The following SPOCK1 variants were observed in gnomAD, a reference collection of about 807,000 sequenced individuals.
SPOCK1 encodes testican-1.
In SPOCK1, 23 loss-of-function variants were observed where a neutral mutation model predicts 55.3. The ratio of observed to expected loss-of-function variants is 0.42; its 90% CI spans 0.30 to 0.59. The LOEUF (loss-of-function observed/expected upper bound fraction) is 0.59. Ranked by LOEUF, SPOCK1 falls within the 20% of genes least tolerant of loss-of-function variation. The pLI is 0.22. For missense variants in SPOCK1, 499 were observed against 552.5 expected, an observed-to-expected ratio of 0.90 and a Z score of 0.97; for synonymous variants, 226 against 221.0, an observed-to-expected ratio of 1.02 and a Z score of -0.20.
chr5:137,291,954 T>C (rs1296539328), intron 2 of SPOCK1, among the ~76,000 whole-genome samples: 1 of 152,174 alleles, frequency 6.6e-6, no homozygotes, highest in Non-Finnish European at 1.5e-5. Context: ...CACATGGCCC[T>C]ATTAGGAAGA....
At chr5:137,203,217 A>G (rs1480601969) in intron 3 of SPOCK1, among the ~76,000 whole-genome samples, 1 of 151,846 alleles carries the variant, frequency 6.6e-6, no homozygotes, top group African/African-American at 2.4e-5. Context: ...TGAGTAATAG[A>G]TTTCAAATAC....
At chr5:137,411,312 A>G (rs1752204248) in intron 2 of SPOCK1, among the ~76,000 whole-genome samples, 1 of 152,122 alleles carries the variant, frequency 6.6e-6, no homozygotes, top group African/African-American at 2.4e-5. Flanking sequence ...GGACGGGTAG[A>G]GAGATGAGCA....
At chr5:137,061,361 T>G (rs892254609) in intron 6 of SPOCK1, among the ~76,000 whole-genome samples, 3 of 152,166 alleles carry the variant, frequency 2.0e-5, no homozygotes, top group African/African-American at 7.2e-5. Context: ...AGTAATGGAA[T>G]TGGACAACCG....
At chr5:137,457,409 T>C (rs1296391130) in intron 2 of SPOCK1, among the ~76,000 whole-genome samples, 1 of 152,132 alleles carries the variant, frequency 6.6e-6, no homozygotes, top group Non-Finnish European at 1.5e-5. Context: ...TGGGAGAGCA[T>C]GAGCAGCTTT....
At chr5:137,068,499 C>G (rs1015784672) in intron 5 of SPOCK1, among the ~76,000 whole-genome samples, 2 of 152,134 alleles carry the variant, frequency 1.3e-5, no homozygotes, top group Non-Finnish European at 2.9e-5. Flanking sequence ...TCTTGTCAAC[C>G]CTTTATCAGT....
chr5:137,053,748 A>G (rs1752252076), intron 6 of SPOCK1, among the ~76,000 whole-genome samples: 1 of 152,110 alleles, frequency 6.6e-6, no homozygotes, highest in Non-Finnish European at 1.5e-5. Context: ...AGGATAAAAC[A>G]CAGCACAAGC....
chr5:137,246,182 T>C (rs147317036), intron 3 of SPOCK1, among the ~76,000 whole-genome samples: 1 of 152,340 alleles, frequency 6.6e-6, no homozygotes, highest in African/African-American at 2.4e-5. Flanking sequence ...ATCTGACCAA[T>C]ATTTGAATTC....
At chr5:137,165,936 C>T (rs183793992) in intron 3 of SPOCK1, among the ~76,000 whole-genome samples, 424 of 152,122 alleles carry the variant, frequency 2.8e-3, no homozygotes, top group Admixed American at 0.019. Flanking sequence ...CTCGAAAGGG[C>T]ACATCTAAGA....
chr5:137,427,900 C>T (rs1190806511), intron 2 of SPOCK1, among the ~76,000 whole-genome samples: 1 of 139,770 alleles, frequency 7.2e-6, no homozygotes, highest in Non-Finnish European at 1.5e-5. Context: ...CAGAGCAAGA[C>T]TCCGTCTAAA....
chr5:137,160,616 T>TATATTATATATAATATATATTATATATA lies in SPOCK1; in HGVS notation c.233-19923_233-19922insTATATATAATATATATTATATATAATAT, dbSNP rs1561631822. Among the ~76,000 whole-genome samples the TATATTATATATAATATATATTATATATA allele has an allele frequency of 1.6e-3, 96 of 58,896 alleles. 1 individual carries two copies. Among genetic ancestry groups the TATATTATATATAATATATATTATATATA allele is most frequent in the African/African-American group, 8.2e-3 (95 of 11,570 alleles). 38.6% of individuals were successfully genotyped at this position (58,896 alleles called of 152,430 possible). A position where few individuals can be genotyped will look rare whatever the true frequency, so the allele number is the denominator to read the frequency against. On this transcript the variant is annotated intron_variant, in intron 3 of 10. Coordinates refer to ENST00000394945, the MANE Select transcript of SPOCK1 (RefSeq NM_004598.4). ...ATAATATATTATATATAATATATAATATATATTTTATATAATATATAATAT... is the reference window on the plus strand; with the variant it reads ...ATAATATATTATATATAATATATAATATATTATATATAATATATATTATATATAATATATTTTATATAATATATAATAT...
At chr5:137,359,816 T>A (rs1278502218) in intron 2 of SPOCK1, among the ~76,000 whole-genome samples, 2 of 152,174 alleles carry the variant, frequency 1.3e-5, no homozygotes, top group Non-Finnish European at 2.9e-5. Flanking sequence ...AGGATGGACA[T>A]AATATAGCGT....
chr5:137,294,419 T>C (rs2916644), intron 2 of SPOCK1, among the ~76,000 whole-genome samples: 72,045 of 152,030 alleles, frequency 0.47, 17,300 homozygotes, highest in Admixed American at 0.49. Context: ...CTAAGTGATC[T>C]GCCCAAGGAT....
rs774848053 is a variant in SPOCK1 at position 137,067,706 on chromosome 5, C to T, written c.589+9G>A. 5 of 1,612,944 alleles carry T rather than the reference C, an allele frequency of 3.1e-6. No homozygotes were observed. In the East Asian group the frequency reaches 1.1e-4, roughly 36 times the overall value. The stretch of plus-strand genomic sequence containing the variant: ...GCCCACGAATTCTCTGAAGGAAACC[C>T]TCACTCACCACTCCTTTCTGCCTTG... On this transcript the variant is annotated intron_variant, in intron 6 of 10. Coordinates refer to ENST00000394945, the MANE Select transcript of SPOCK1 (RefSeq NM_004598.4).
chr5:136,985,296 C>T (rs939464533), intron 8 of SPOCK1, 94 bp from the exon 9 acceptor site: 1 of 1,188,418 alleles, frequency 8.4e-7, no homozygotes, highest in Admixed American at 1.7e-5. Flanking sequence ...TAGACAATGA[C>T]ACACCTGGGA....
intron 2 of SPOCK1, among the ~76,000 whole-genome samples, chr5:137,363,971 G>A (rs1751003883): frequency 6.6e-6 from 1 of 152,144 alleles, no homozygotes; most frequent in Admixed American, 6.5e-5. Context: ...TGAGGTTCAG[G>A]TGCATCTTCT....
chr5:137,372,857 A>T (rs767273762), intron 2 of SPOCK1, among the ~76,000 whole-genome samples: 14 of 152,220 alleles, frequency 9.2e-5, no homozygotes, highest in Non-Finnish European at 4.4e-5. Flanking sequence ...TCATCTCATA[A>T]ATCTTCAGTT....
chr5:137,248,766 T>C (rs1311240111), intron 3 of SPOCK1, among the ~76,000 whole-genome samples: 1 of 152,196 alleles, frequency 6.6e-6, no homozygotes, highest in Non-Finnish European at 1.5e-5. Context: ...AGCTGGAATA[T>C]AGCCAGTGGT....
chr5:137,001,080 T>C (rs1275746431), intron 6 of SPOCK1, among the ~76,000 whole-genome samples: 2 of 152,190 alleles, frequency 1.3e-5, no homozygotes, highest in African/African-American at 4.8e-5. Context: ...AGTGGTGCCA[T>C]CCTCGCTGAG....
At chr5:137,276,719 T>C (rs144805335) in intron 2 of SPOCK1, among the ~76,000 whole-genome samples, 121 of 152,300 alleles carry the variant, frequency 7.9e-4, no homozygotes, top group African/African-American at 2.7e-3. Flanking sequence ...AACTCCCTTT[T>C]AGTGACTAAC....
Sources: gnomAD v4.1 joint callset for allele counts (sites outside exome capture counted in the v4.1 genomes callset) on GRCh38, gnomAD v4.1.1 for gene constraint, MANE v1.5 for transcripts, NCBI Gene and HGNC (gene_info 2026-07-23, HGNC 2026-07-21) for gene names.